Variants in DIP2C observed in about 807,000 individuals in gnomAD.
DIP2C encodes the protein DIP2 acetate--CoA ligase C (putative).
DIP2C carries 33 observed loss-of-function variants against 192.4 expected under a neutral mutation model. That is an observed-to-expected ratio of 0.17 (90% confidence interval 0.13 to 0.23). DIP2C has a LOEUF of 0.23. Among genes scored for constraint, DIP2C ranks in the 10% least tolerant of loss-of-function variants. The pLI, the probability that DIP2C is intolerant of heterozygous loss-of-function variation, is 1.00. For synonymous variants in DIP2C, 979 were observed against 864.1 expected (o/e 1.13, Z -2.33); for missense variants, 1,537 against 2,110.1 (o/e 0.73, Z 5.32).
At chr10:647,608 T>C (rs1180890280) in intron 1 of DIP2C, among the ~76,000 whole-genome samples, 1 of 140,590 alleles carries the variant, frequency 7.1e-6, no homozygotes, top group East Asian at 2.2e-4. Flanking sequence ...GGAAACTGAG[T>C]CCACGTCGAC....
At chr10:289,254 T>C (rs563229371) in intron 32 of DIP2C, among the ~76,000 whole-genome samples, 6 of 142,850 alleles carry the variant, frequency 4.2e-5, no homozygotes, top group Non-Finnish European at 9.1e-5. Context: ...ACACCCTTCC[T>C]ACCATCCCCC....
At chr10:569,753 G>GC (rs1849669049) in intron 1 of DIP2C, among the ~76,000 whole-genome samples, 1 of 152,196 alleles carries the variant, frequency 6.6e-6, no homozygotes, top group South Asian at 2.1e-4. Flanking sequence ...GCAGGCTCAG[G>GC]CCCTCCTACC....
At chr10:665,383 G>A (rs1418124263) in intron 1 of DIP2C, 1 of 151,870 alleles carries the variant, frequency 6.6e-6, no homozygotes, top group African/African-American at 2.4e-5. Context: ...ACGGGGGATA[G>A]GTAATAAATA....
chr10:445,795 AAG>A (rs1564721584), intron 3 of DIP2C, among the ~76,000 whole-genome samples: 1 of 151,978 alleles, frequency 6.6e-6, no homozygotes, highest in Non-Finnish European at 1.5e-5. Flanking sequence ...ATCTGTTGTG[AAG>A]AGTCTCACGG....
At position 400,642 on chromosome 10, in the gene DIP2C, G is replaced by T. The variant is rs868833964; in HGVS notation, c.1150-1423C>A. Among the ~76,000 whole-genome samples the T allele has an allele frequency of 7.0e-4, 98 of 140,578 alleles. 2 individuals carry two copies. Among genetic ancestry groups the T allele is most frequent in the Middle Eastern group, 4.1e-3 (1 of 244 alleles). 92.2% of individuals were successfully genotyped at this position (140,578 alleles called of 152,430 possible). A position where few individuals can be genotyped will look rare whatever the true frequency, so the allele number is the denominator to read the frequency against. On this transcript the variant is annotated intron_variant, in intron 9 of 36. Coordinates refer to ENST00000280886, the MANE Select transcript of DIP2C (RefSeq NM_014974.3). ...CATGAATCCTGTGATTTTACATGTG[G>T]GGTAGCATTAGCATTACTCTTCCTT...
chr10:517,435 C>T (rs1214298358), intron 1 of DIP2C, among the ~76,000 whole-genome samples: 1 of 152,174 alleles, frequency 6.6e-6, no homozygotes, highest in African/African-American at 2.4e-5. Flanking sequence ...AAGCCCGACG[C>T]TCCGCCCCAC....
intron 29 of DIP2C, chr10:340,702 T>G: frequency 2.2e-6 from 1 of 454,102 alleles, no homozygotes; most frequent in Non-Finnish European, 4.4e-6. Flanking sequence ...GCTGAGCACC[T>G]GCTGTAAGCC....
intron 4 of DIP2C, among the ~76,000 whole-genome samples, chr10:432,858 AAACTT>A (rs1297706241): frequency 6.6e-6 from 1 of 152,142 alleles, no homozygotes; most frequent in Non-Finnish European, 1.5e-5. Flanking sequence ...ATTTACTTCA[AAACTT>A]TAAAGAAATC....
chr10:407,746 C>T (rs1964906980), intron 9 of DIP2C, among the ~76,000 whole-genome samples: 1 of 152,084 alleles, frequency 6.6e-6, no homozygotes, highest in African/African-American at 2.4e-5. Context: ...TTACTCAAGT[C>T]TCTGGCCCAT....
chr10:627,566 G>GT (rs1854275087), intron 1 of DIP2C, among the ~76,000 whole-genome samples: 1 of 152,254 alleles, frequency 6.6e-6, no homozygotes, highest in African/African-American at 2.4e-5. Context: ...CAGAAGTGCA[G>GT]TAATTAGTAC....
intron 28 of DIP2C, among the ~76,000 whole-genome samples, chr10:343,760 A>G (rs112526674): frequency 7.2e-5 from 11 of 152,198 alleles, no homozygotes; most frequent in African/African-American, 2.7e-4. Flanking sequence ...GCTCTGTGCA[A>G]AGCACTATTT....
At chr10:604,811 T>C (rs1188359435) in intron 1 of DIP2C, among the ~76,000 whole-genome samples, 3 of 152,194 alleles carry the variant, frequency 2.0e-5, no homozygotes, top group Admixed American at 6.5e-5. Context: ...ATGATTTTCT[T>C]CTGGCCAAGC....
chr10:386,347 C>T (rs78224347), intron 14 of DIP2C, among the ~76,000 whole-genome samples: 321 of 152,332 alleles, frequency 2.1e-3, no homozygotes, highest in African/African-American at 6.8e-3. Context: ...GGGACTTGGA[C>T]GCACGTCTGA....
intron 34 of DIP2C, among the ~76,000 whole-genome samples, chr10:285,358 T>A (rs1348447099): frequency 1.3e-5 from 2 of 152,130 alleles, no homozygotes; most frequent in Non-Finnish European, 2.9e-5. Flanking sequence ...CTCCCACATG[T>A]GCTGCTGGGA....
Position 378,214 on chromosome 10 carries a change from A to G in DIP2C, c.1991+4433T>C, listed in dbSNP as rs1961862150. On this transcript the variant is annotated intron_variant, in intron 17 of 36. Transcript: ENST00000280886. The stretch of plus-strand genomic sequence containing the variant: ...AATATAACAGGACAGTGACAGTTTT[A>G]AAGAGAAAAAAATACTTTAAATGCC... Among the ~76,000 whole-genome samples the G allele has an allele frequency of 2.6e-5, 4 of 152,246 alleles. No individual in the cohort carries two copies. In the South Asian group the frequency reaches 8.3e-4, roughly 31 times the overall value.
chr10:369,391 A>G, intron 18 of DIP2C, 103 bp downstream of exon 18: 2 of 1,408,448 alleles, frequency 1.4e-6, no homozygotes, highest in Admixed American at 2.6e-5. Flanking sequence ...GCCTGAGGGC[A>G]CACCACGGGA....
Position 362,471 on chromosome 10 carries a change from G to T in DIP2C, c.2794+19C>A. 1 of 1,611,728 alleles carries T rather than the reference G, an allele frequency of 6.2e-7. No individual in the cohort carries two copies. The highest frequency in any genetic ancestry group is 2.2e-5 in the East Asian group (1 of 44,872). ...AGGGAACTCCCGCACCTCACAAGCT[G>T]CCCAAGTGGTGCACATACCTGGCTG... On this transcript the variant is annotated intron_variant, in intron 22 of 36. Coordinates refer to ENST00000280886, the MANE Select transcript of DIP2C (RefSeq NM_014974.3).
At chr10:495,200 A>G (rs1453397953) in intron 1 of DIP2C, among the ~76,000 whole-genome samples, 1 of 152,216 alleles carries the variant, frequency 6.6e-6, no homozygotes, top group Non-Finnish European at 1.5e-5. Context: ...ACAGAGTGGA[A>G]TAGGGGTTAG....
chr10:292,634 G>A (rs981729540), intron 32 of DIP2C, among the ~76,000 whole-genome samples: 1 of 152,348 alleles, frequency 6.6e-6, no homozygotes, highest in South Asian at 2.1e-4. Flanking sequence ...CGAATGCATG[G>A]CTGTCACAAG....
Sources: gnomAD v4.1 joint callset for allele counts (sites outside exome capture counted in the v4.1 genomes callset) on GRCh38, gnomAD v4.1.1 for gene constraint, MANE v1.5 for transcripts, NCBI Gene and HGNC (gene_info 2026-07-23, HGNC 2026-07-21) for gene names.